The following UBE2D3 variants were observed in gnomAD, a reference collection of about 807,000 sequenced individuals.
The protein encoded by UBE2D3 is ubiquitin-conjugating enzyme E2 D3.
In UBE2D3, 2 loss-of-function variants were observed where a neutral mutation model predicts 22.8. The ratio of observed to expected loss-of-function variants is 0.09; its 90% CI spans 0.04 to 0.28. UBE2D3 has a LOEUF of 0.28. UBE2D3 is among the 10% of genes least tolerant of loss of function. The pLI is 1.00. For missense variants in UBE2D3, 27 were observed against 182.5 expected (o/e 0.15, Z 4.91); for synonymous variants, 56 against 60.4 (o/e 0.93, Z 0.34).
intron 1 of UBE2D3, among the ~76,000 whole-genome samples, chr4:102,868,561 C>G (rs1199864449): frequency 6.6e-6 from 1 of 151,786 alleles, no homozygotes; most frequent in African/African-American, 2.4e-5. Flanking sequence ...TTTTTTAAGC[C>G]TGGCCTTTGG....
At chr4:102,827,839 G>A (rs1355920122), upstream of UBE2D3, 19 of 985,752 alleles carry the variant, frequency 1.9e-5, no homozygotes, top group Non-Finnish European at 2.2e-5. Context: ...TAGGCTCAGA[G>A]AAGCATCGAG....
chr4:102,817,429 T>A (rs954752933), intron 2 of UBE2D3, among the ~76,000 whole-genome samples: 1 of 152,188 alleles, frequency 6.6e-6, no homozygotes, highest in Non-Finnish European at 1.5e-5. Context: ...GTTTTACAGT[T>A]GAGTCCCTTA....
chr4:102,825,723 T>C, intron 2 of UBE2D3: 1 of 549,560 alleles, frequency 1.8e-6, no homozygotes, highest in Non-Finnish European at 3.2e-6. Flanking sequence ...AATAGGTACA[T>C]TAGCTTTCCC....
intron 4 of UBE2D3, 68 bp downstream of exon 4, chr4:102,809,599 CAAGTT>C (rs1560853311): frequency 7.0e-7 from 1 of 1,421,580 alleles, no homozygotes; most frequent in African/African-American, 1.5e-5. Flanking sequence ...ACCTACAGAC[CAAGTT>C]AAAAATTACA....
At chr4:102,861,257 T>C (rs992496305) in intron 1 of UBE2D3, among the ~76,000 whole-genome samples, 1 of 151,890 alleles carries the variant, frequency 6.6e-6, no homozygotes, top group Non-Finnish European at 1.5e-5. Flanking sequence ...GTGTCTATTC[T>C]TGAGTTTTTC....
At chr4:102,826,887 A>T in intron 1 of UBE2D3, 1 of 1,052,320 alleles carries the variant, frequency 9.5e-7, no homozygotes, top group Admixed American at 5.4e-5. Flanking sequence ...GAGGCGTAGG[A>T]GAAAGGGGTG....
At chr4:102,829,552 CATAAT>C (rs1450971675), upstream of UBE2D3, among the ~76,000 whole-genome samples, 3 of 152,128 alleles carry the variant, frequency 2.0e-5, no homozygotes, top group Non-Finnish European at 2.9e-5. Context: ...GTTAAAGTGT[CATAAT>C]ATATGTGAAA....
intron 2 of UBE2D3, among the ~76,000 whole-genome samples, chr4:102,817,786 G>A (rs930084904): frequency 1.3e-5 from 2 of 152,138 alleles, no homozygotes; most frequent in Non-Finnish European, 2.9e-5. Context: ...TACATGGCCT[G>A]AGAAAATGAT....
intron 4 of UBE2D3, chr4:102,809,117 C>G (rs1308435169): frequency 2.1e-5 from 6 of 287,394 alleles, no homozygotes; most frequent in South Asian, 1.7e-4. Context: ...TAGATGGTAT[C>G]CATAATTCTG....
At chr4:102,828,590 G>T (rs13117052), upstream of UBE2D3, among the ~76,000 whole-genome samples, 1 of 152,116 alleles carries the variant, frequency 6.6e-6, no homozygotes, top group Non-Finnish European at 1.5e-5. Context: ...GCTGCCGTCC[G>T]CCAAGGTGTA....
chr4:102,842,470 C>T (rs982719084), intron 1 of UBE2D3, among the ~76,000 whole-genome samples: 6 of 151,532 alleles, frequency 4.0e-5, no homozygotes, highest in African/African-American at 1.5e-4. Flanking sequence ...GTAGGAGAAT[C>T]AATTGAGGCC....
At chr4:102,868,717 T>C (rs770467087) in exon 1 of UBE2D3, 4 of 1,613,930 alleles carry the variant, frequency 2.5e-6, no homozygotes, top group African/African-American at 2.7e-5. Context: ...AGACTCACTT[T>C]TGAAAGGCAC....
chr4:102,807,427 G>A (rs1257339925), intron 4 of UBE2D3, among the ~76,000 whole-genome samples: 2 of 152,108 alleles, frequency 1.3e-5, no homozygotes, highest in African/African-American at 4.8e-5. Flanking sequence ...TACTTTGGGT[G>A]GATTTTTATA....
At chr4:102,829,862 C>G (rs935312597), upstream of UBE2D3, among the ~76,000 whole-genome samples, 2 of 152,142 alleles carry the variant, frequency 1.3e-5, no homozygotes, top group African/African-American at 4.8e-5. Context: ...TCGCTTGAGC[C>G]TGGAAGGCGG....
At chr4:102,827,244 C>G (rs1460883401) in intron 1 of UBE2D3, 183 bp downstream of exon 1, 2 of 972,086 alleles carry the variant, frequency 2.1e-6, no homozygotes, top group Non-Finnish European at 2.4e-6. Flanking sequence ...GGCGCGAGGA[C>G]GCGCCCATTC....
intron 7 of UBE2D3, among the ~76,000 whole-genome samples, chr4:102,797,778 T>C (rs1043544158): frequency 6.6e-6 from 1 of 151,968 alleles, no homozygotes; most frequent in Non-Finnish European, 1.5e-5. Flanking sequence ...CGTGAAGAAA[T>C]TTTTACAGTT....
chr4:102,825,497 C>T (rs747737449), intron 2 of UBE2D3: 3 of 1,149,548 alleles, frequency 2.6e-6, no homozygotes, highest in African/African-American at 1.6e-5. Context: ...AAAGGAGATG[C>T]CGGAAAGAGC....
intron 4 of UBE2D3, among the ~76,000 whole-genome samples, chr4:102,808,615 C>T (rs1335735143): frequency 1.3e-5 from 2 of 152,110 alleles, no homozygotes; most frequent in Non-Finnish European, 2.9e-5. Flanking sequence ...TCCTACTCAG[C>T]ACTTCATTCA....
intron 7 of UBE2D3, chr4:102,798,864 G>A (rs1446786324): frequency 6.8e-6 from 10 of 1,473,014 alleles, no homozygotes; most frequent in African/African-American, 2.8e-5. Flanking sequence ...GTGCCTTAAC[G>A]CATGCAGCAC....
Sources: allele counts gnomAD v4.1 joint callset (sites outside exome capture counted in the v4.1 genomes callset), GRCh38; gene constraint gnomAD v4.1.1; transcripts MANE v1.5; gene names NCBI Gene and HGNC (gene_info 2026-07-23, HGNC 2026-07-21).